Variants in SNRNP40 observed in about 807,000 individuals in gnomAD.
SNRNP40 encodes small nuclear ribonucleoprotein U5 subunit 40.
SNRNP40 carries 21 observed loss-of-function variants against 45.8 expected under a neutral mutation model. The ratio of observed to expected loss-of-function variants is 0.46; its 90% CI spans 0.32 to 0.66. The LOEUF is 0.66. Among genes scored for constraint, SNRNP40 ranks in the 30% least tolerant of loss-of-function variants. The pLI, the probability that SNRNP40 is intolerant of heterozygous loss-of-function variation, is 0.03. For synonymous variants in SNRNP40, 142 were observed against 163.8 expected (o/e 0.87, Z 1.01); for missense variants, 344 against 439.1 (o/e 0.78, Z 1.94).
At chr1:31,267,955 G>C in intron 7 of SNRNP40, 23 bp from the exon 8 acceptor site, 2 of 1,570,588 alleles carry the variant, frequency 1.3e-6, no homozygotes, top group Non-Finnish European at 1.8e-6. Flanking sequence ...AGAATCCACT[G>C]AATAGTAATA....
At chr1:31,264,636 A>G (rs1645883811) in intron 8 of SNRNP40, among the ~76,000 whole-genome samples, 1 of 152,250 alleles carries the variant, frequency 6.6e-6, no homozygotes, top group Non-Finnish European at 1.5e-5. Context: ...AGCTATTGTT[A>G]TTATAAGTAC....
chr1:31,293,626 G>C (rs34233685), intron 1 of SNRNP40, among the ~76,000 whole-genome samples: 1 of 152,238 alleles, frequency 6.6e-6, no homozygotes, highest in East Asian at 1.9e-4. Context: ...CTGTCACCTA[G>C]GCTGGACTGC....
At chr1:31,276,322 C>CTATG (rs1307558082) in intron 5 of SNRNP40, among the ~76,000 whole-genome samples, 8 of 152,148 alleles carry the variant, frequency 5.3e-5, no homozygotes, top group African/African-American at 1.9e-4. Flanking sequence ...TTACAGTGAG[C>CTATG]TATGATTCCA....
At chr1:31,260,660 G>A (rs1484307109) in intron 9 of SNRNP40, among the ~76,000 whole-genome samples, 2 of 151,520 alleles carry the variant, frequency 1.3e-5, no homozygotes, top group African/African-American at 4.8e-5. Flanking sequence ...TCAGGAGTTT[G>A]AGACCAGCCT....
chr1:31,289,811 C>G (rs375592073), intron 3 of SNRNP40, among the ~76,000 whole-genome samples: 25 of 152,336 alleles, frequency 1.6e-4, no homozygotes, highest in East Asian at 1.2e-3. Flanking sequence ...GACCTGACAG[C>G]TGAGTGACTC....
In SNRNP40 at chr1:31,291,815, T is replaced by G; in HGVS notation, c.365+98A>C. 6 of 802,706 alleles carry G rather than the reference T, an allele frequency of 7.5e-6. No individual in the cohort carries two copies. In the South Asian group the frequency reaches 9.0e-5, roughly 12 times the overall value. 49.7% of individuals were successfully genotyped at this position (802,706 alleles called of 1,614,324 possible). A position where few individuals can be genotyped will look rare whatever the true frequency, so the allele number is the denominator to read the frequency against. ...TACTAAAGTAGCTACCCAAAATTAG[T>G]AGTTTTTGATAGCAGGGTCTCCTGA... On this transcript the variant is annotated intron_variant, in intron 3 of 9. Coordinates refer to ENST00000263694, the MANE Select transcript of SNRNP40 (RefSeq NM_004814.3).
At chr1:31,294,942 TAA>T (rs1172388322) in intron 1 of SNRNP40, among the ~76,000 whole-genome samples, 5 of 128,882 alleles carry the variant, frequency 3.9e-5, no homozygotes, top group Admixed American at 7.8e-5. Context: ...AATTCCATCT[TAA>T]AAAAAAAAAA....
intron 5 of SNRNP40, 96 bp from the exon 6 acceptor site, chr1:31,271,595 A>ATT: frequency 8.9e-7 from 1 of 1,129,592 alleles, no homozygotes; most frequent in Non-Finnish European, 1.3e-6. Context: ...AGAGACACTG[A>ATT]TATTACTCTA....
At chr1:31,289,567 C>T in intron 3 of SNRNP40, 148 bp from the exon 4 acceptor site, 1 of 665,760 alleles carries the variant, frequency 1.5e-6, no homozygotes, top group Non-Finnish European at 2.6e-6. Flanking sequence ...GAATGCCTCA[C>T]CCTACCAAAA....
At chr1:31,290,735 G>A (rs1329501459) in intron 3 of SNRNP40, among the ~76,000 whole-genome samples, 3 of 151,880 alleles carry the variant, frequency 2.0e-5, no homozygotes, top group South Asian at 2.1e-4. Context: ...AAAATTAGCC[G>A]GGCATGGTGG....
chr1:31,286,392 C>A (rs1569666840), intron 4 of SNRNP40, among the ~76,000 whole-genome samples: 1 of 152,114 alleles, frequency 6.6e-6, no homozygotes, highest in Admixed American at 6.6e-5. Context: ...TCTCTTCCAC[C>A]CTTCCCTACT....
intron 5 of SNRNP40, among the ~76,000 whole-genome samples, chr1:31,271,725 C>T (rs1330506789): frequency 1.3e-5 from 2 of 151,916 alleles, no homozygotes; most frequent in Non-Finnish European, 2.9e-5. Context: ...CTCGCTGTAG[C>T]CTTGACTTCC....
At chr1:31,290,280 C>T (rs1352178698) in intron 3 of SNRNP40, among the ~76,000 whole-genome samples, 1 of 152,174 alleles carries the variant, frequency 6.6e-6, no homozygotes, top group East Asian at 1.9e-4. Flanking sequence ...AGGAATCCTC[C>T]TGCCTCAGCC....
At chr1:31,286,499 C>T (rs746608746) in intron 4 of SNRNP40, among the ~76,000 whole-genome samples, 33 of 152,272 alleles carry the variant, frequency 2.2e-4, no homozygotes, top group African/African-American at 7.2e-4. Flanking sequence ...CACTCTGCTA[C>T]GGCTCTTTTC....
intron 4 of SNRNP40, among the ~76,000 whole-genome samples, chr1:31,288,815 T>G (rs1177882067): frequency 6.6e-6 from 1 of 152,170 alleles, no homozygotes; most frequent in Admixed American, 6.5e-5. Flanking sequence ...CTCTGCAAGC[T>G]CCACCTCCCG....
chr1:31,268,565 G>C (rs570882538), intron 7 of SNRNP40, among the ~76,000 whole-genome samples: 22 of 151,814 alleles, frequency 1.4e-4, no homozygotes, highest in African/African-American at 5.1e-4. Context: ...ACCATGCCAG[G>C]TCTAAAAAAC....
intron 5 of SNRNP40, among the ~76,000 whole-genome samples, chr1:31,272,645 A>G (rs893163859): frequency 6.6e-6 from 1 of 152,240 alleles, no homozygotes; most frequent in African/African-American, 2.4e-5. Flanking sequence ...TGCTTAGCAT[A>G]TGCCGGGCAC....
intron 2 of SNRNP40, 199 bp downstream of exon 2, chr1:31,293,020 G>A (rs1239140190): frequency 2.3e-5 from 13 of 568,092 alleles, no homozygotes; most frequent in Non-Finnish European, 4.0e-5. Flanking sequence ...TAAAATAATG[G>A]CTTCTGTATT....
chr1:31,273,147 GAAAGCCTGAAGTATCTGACATTTTGTTC>G (rs1450020692), intron 5 of SNRNP40, among the ~76,000 whole-genome samples: 1 of 152,116 alleles, frequency 6.6e-6, no homozygotes, highest in Non-Finnish European at 1.5e-5. Context: ...CAGTAATCAG[GAAAGCCTGAAGTATCTGACATTTTGTTC>G]AAGCTGTTGT....
Sources: gnomAD v4.1 joint callset for allele counts (sites outside exome capture counted in the v4.1 genomes callset) on GRCh38, gnomAD v4.1.1 for gene constraint, MANE v1.5 for transcripts, NCBI Gene and HGNC (gene_info 2026-07-23, HGNC 2026-07-21) for gene names.